Variants in PDXDC1 observed in about 807,000 individuals in gnomAD.
The protein encoded by PDXDC1 is pyridoxal dependent decarboxylase domain containing 1.
Under a neutral mutation model 100.1 loss-of-function variants are expected in PDXDC1, and 42 were observed. The ratio of observed to expected loss-of-function variants is 0.42; its 90% CI spans 0.33 to 0.54. PDXDC1 has a LOEUF of 0.54. Ranked by LOEUF, PDXDC1 falls within the 20% of genes least tolerant of loss-of-function variation. The pLI is 0.10. For missense variants in PDXDC1, 636 were observed against 979.2 expected, an observed-to-expected ratio of 0.65 and a Z score of 4.68; for synonymous variants, 260 against 371.7, an observed-to-expected ratio of 0.70 and a Z score of 3.46.
Position 15,037,999 on chromosome 16 carries a change from A to C in PDXDC1, c.*1724A>C. The stretch of plus-strand genomic sequence containing the variant: ...AGCCCCACCAATGGTCTGTCAGGCC[A>C]AGAAGGTGCTTTCTTTGGTAATTCA... On this transcript the variant is annotated 3_prime_UTR_variant, in exon 23 of 23. Transcript: ENST00000396410. 1 of 1,571,952 alleles carries C rather than the reference A, an allele frequency of 6.4e-7. No homozygotes were observed. The highest frequency in any genetic ancestry group is 8.7e-7 in the Non-Finnish European group (1 of 1,147,334).
At chr16:15,004,127 T>C (rs898159334) in intron 4 of PDXDC1, 60 bp from the exon 5 acceptor site, 1 of 1,469,398 alleles carries the variant, frequency 6.8e-7, no homozygotes, top group Non-Finnish European at 9.4e-7. Flanking sequence ...GAATTCTGTG[T>C]CTCTAAGTTC....
At chr16:15,148,544 G>C in the PDXDC1 span, among the ~76,000 whole-genome samples, 1 of 151,148 alleles carries the variant, frequency 6.6e-6, no homozygotes, top group Non-Finnish European at 1.5e-5. Flanking sequence ...CACCACGCCC[G>C]GCCAATGTTC....
intron 16 of PDXDC1, among the ~76,000 whole-genome samples, chr16:15,077,966 T>C (rs2045536852): frequency 1.3e-5 from 2 of 152,224 alleles, no homozygotes; most frequent in Non-Finnish European, 2.9e-5. Flanking sequence ...AATAAACATA[T>C]CGTCAATCAA....
At chr16:15,024,820 G>A (rs1444977119) in intron 13 of PDXDC1, among the ~76,000 whole-genome samples, 4 of 152,286 alleles carry the variant, frequency 2.6e-5, no homozygotes, top group South Asian at 4.1e-4. Flanking sequence ...ATCTCCCACC[G>A]TCAGACATCA....
intron 16 of PDXDC1, chr16:15,092,604 T>C: frequency 6.2e-7 from 1 of 1,606,368 alleles, no homozygotes; most frequent in Non-Finnish European, 8.5e-7. Flanking sequence ...AATGCACGCA[T>C]ATTTGAAATC....
chr16:15,140,782 T>C (rs902689709), downstream of PDXDC1, among the ~76,000 whole-genome samples: 1 of 151,836 alleles, frequency 6.6e-6, no homozygotes, highest in African/African-American at 2.4e-5. Flanking sequence ...CCGCCCACCC[T>C]GGGCACCCCT....
intron 16 of PDXDC1, chr16:15,132,684 G>T: frequency 1.3e-6 from 1 of 755,378 alleles, no homozygotes; most frequent in Non-Finnish European, 2.3e-6. Context: ...ACCCTGGCAG[G>T]CATGCGGGGC....
intron 16 of PDXDC1, chr16:15,125,478 C>T (rs1294286651): frequency 7.0e-5 from 73 of 1,037,284 alleles, no homozygotes; most frequent in Admixed American, 1.4e-4. Context: ...CAAGGACACG[C>T]AGCCCGCACA....
intron 16 of PDXDC1, chr16:15,092,436 G>A (rs2151829034): frequency 1.2e-6 from 1 of 859,190 alleles, no homozygotes; most frequent in Admixed American, 2.0e-5. Context: ...TATTTCTATT[G>A]GTCTTTAGTA....
At chr16:15,142,558 G>C (rs1435528550), downstream of PDXDC1, among the ~76,000 whole-genome samples, 1 of 151,962 alleles carries the variant, frequency 6.6e-6, no homozygotes, top group Non-Finnish European at 1.5e-5. Context: ...GGTGCCCCCT[G>C]GGTGTGGAAG....
At chr16:15,131,323 G>A (rs1425883083) in intron 16 of PDXDC1, 3 of 1,566,304 alleles carry the variant, frequency 1.9e-6, no homozygotes, top group Non-Finnish European at 2.6e-6. Context: ...CGCCATCGAG[G>A]CCACCTTGGT....
At chr16:15,141,080 TG>T (rs1694721252), downstream of PDXDC1, among the ~76,000 whole-genome samples, 3 of 138,018 alleles carry the variant, frequency 2.2e-5, no homozygotes, top group Admixed American at 7.9e-5. Flanking sequence ...GCCCAGCCCC[TG>T]CCAGTCCCTG....
chr16:14,992,776 C>A (rs1481673859), intron 1 of PDXDC1, among the ~76,000 whole-genome samples: 2 of 152,240 alleles, frequency 1.3e-5, no homozygotes, highest in Admixed American at 1.3e-4. Flanking sequence ...ATAGGCAAGT[C>A]GCTTAACCTC....
In PDXDC1 at chr16:15,015,482, C is replaced by T. The variant is rs1271496561; in HGVS notation, c.728-647C>T. 4.6e-5 allele frequency among the ~76,000 whole-genome samples: 7 copies of T among 152,044 alleles called. No homozygotes were observed. In the East Asian group the frequency reaches 9.8e-4, roughly 21 times the overall value. On this transcript the variant is annotated intron_variant, in intron 8 of 22. Coordinates refer to ENST00000396410, the MANE Select transcript of PDXDC1 (RefSeq NM_015027.4). ...TTATAATCCCAGCACTTTGGAAGGC[C>T]GAGGCAGGTGGATCACGAGGTCAGG...
intron 16 of PDXDC1, among the ~76,000 whole-genome samples, chr16:15,093,411 A>G (rs1185065013): frequency 6.6e-6 from 1 of 152,196 alleles, no homozygotes. Context: ...ACCTTGTTGT[A>G]TAACTGAAAT....
At chr16:15,090,957 TAG>T (rs2046109865) in intron 16 of PDXDC1, among the ~76,000 whole-genome samples, 2 of 149,344 alleles carry the variant, frequency 1.3e-5, no homozygotes, top group Admixed American at 1.4e-4. Flanking sequence ...AGTAATCTAA[TAG>T]AAAGGAAGCA....
chr16:15,021,445 GAA>G lies in PDXDC1; in HGVS notation c.1090-1256_1090-1255del, dbSNP rs1164021675. Among the ~76,000 whole-genome samples the G allele has an allele frequency of 2.6e-5, 4 of 152,240 alleles. No individual in the cohort carries two copies. The East Asian group carries it at 5.8e-4, about 22-fold the overall frequency. On this transcript the variant is annotated intron_variant, in intron 12 of 22. Coordinates refer to ENST00000396410, the MANE Select transcript of PDXDC1 (RefSeq NM_015027.4). Reference sequence around the variant, plus strand: ...TGTTTACAAAAGCACTGCATTTTTTGAAAAGTGTCTCACTGTGCTATTAGCTC... The same window carrying G: ...TGTTTACAAAAGCACTGCATTTTTTGAAGTGTCTCACTGTGCTATTAGCTC...
At chr16:15,014,701 T>C (rs2041647679) in intron 8 of PDXDC1, among the ~76,000 whole-genome samples, 1 of 152,272 alleles carries the variant, frequency 6.6e-6, no homozygotes, top group African/African-American at 2.4e-5. Context: ...TTGGTGAGTG[T>C]TTGAAATCTT....
chr16:15,009,602 T>G (rs1597464817), intron 7 of PDXDC1, 79 bp from the exon 8 acceptor site: 9 of 1,572,660 alleles, frequency 5.7e-6, no homozygotes, highest in East Asian at 4.6e-5. Context: ...GTTATCTGCT[T>G]CTTTTGTAAG....
Sources: gnomAD v4.1 joint callset for allele counts (sites outside exome capture counted in the v4.1 genomes callset) on GRCh38, gnomAD v4.1.1 for gene constraint, MANE v1.5 for transcripts, NCBI Gene and HGNC (gene_info 2026-07-23, HGNC 2026-07-21) for gene names.